GSTM5: variants seen among roughly 807,000 people sequenced by gnomAD.
GSTM5 encodes the protein glutathione S-transferase mu 5, also known as GST class-mu 5.
Under a neutral mutation model 29.0 loss-of-function variants are expected in GSTM5, and 24 were observed. The observed-to-expected ratio is 0.83, with a 90% CI of 0.60 to 1.16. The LOEUF is 1.16. Among genes scored for constraint, GSTM5 ranks in the 50% most tolerant of loss-of-function variants. The probability of loss-of-function intolerance (pLI) is 0.00; values close to 1 mark genes in which losing one functional copy is unlikely to be tolerated. For missense variants in GSTM5, 290 were observed against 263.0 expected, an observed-to-expected ratio of 1.10 and a Z score of -0.71; for synonymous variants, 91 against 93.6, an observed-to-expected ratio of 0.97 and a Z score of 0.16.
chr1:109,713,238 C>T, intron 3 of GSTM5, 55 bp downstream of exon 3: 1 of 1,606,162 alleles, frequency 6.2e-7, no homozygotes, highest in Non-Finnish European at 8.5e-7. Context: ...TCTCTGACTG[C>T]ATCTCCTCTC....
intron 7 of GSTM5, chr1:109,715,459 A>C (rs1242725767): frequency 2.6e-6 from 4 of 1,518,538 alleles, no homozygotes; most frequent in Non-Finnish European, 3.5e-6. Context: ...TTTAGAGATA[A>C]GAAAACTGAG....
At chr1:109,712,728 C>G in intron 2 of GSTM5, 35 bp downstream of exon 2, 1 of 1,611,310 alleles carries the variant, frequency 6.2e-7, no homozygotes, top group Non-Finnish European at 8.5e-7. Flanking sequence ...CCTGCCCACT[C>G]ACGCTGAGTT....
Position 109,712,251 on chromosome 1 carries a change from C to T in GSTM5, c.-62C>T. 6.3e-7 allele frequency: 1 copy of T among 1,579,676 alleles called. No individual in the cohort carries two copies. On this transcript the variant is annotated 5_prime_UTR_variant, in exon 1 of 8. Coordinates refer to ENST00000256593, the MANE Select transcript of GSTM5 (RefSeq NM_000851.4). ...AGGCCCCGCCTGTCCCCTCCTGGGC[C>T]TCTCAAAGTCTGAGCCCCGCTCCGC...
intron 7 of GSTM5, chr1:109,716,894 G>A (rs914465329): frequency 6.5e-6 from 1 of 154,836 alleles, no homozygotes. Context: ...TGGAAGAGGA[G>A]GAGAATTTGG....
At chr1:109,713,873 G>A (rs1157847174) in intron 5 of GSTM5, 112 bp downstream of exon 5, 8 of 527,466 alleles carry the variant, frequency 1.5e-5, no homozygotes, top group South Asian at 3.1e-5. Flanking sequence ...GACTGGAGAC[G>A]TCTATAACCT....
At chr1:109,716,355 T>C (rs1428890498) in intron 7 of GSTM5, 1 of 158,832 alleles carries the variant, frequency 6.3e-6, no homozygotes, top group African/African-American at 2.4e-5. Flanking sequence ...ATGTAAGAGG[T>C]GGTGGGAGGG....
intron 7 of GSTM5, chr1:109,715,817 A>T (rs186956316): frequency 5.2e-5 from 23 of 439,540 alleles, no homozygotes; most frequent in African/African-American, 4.4e-4. Flanking sequence ...GAGCTGGATT[A>T]GGGTACATAT....
At chr1:109,713,229 C>A in intron 3 of GSTM5, 46 bp downstream of exon 3, 1 of 1,608,546 alleles carries the variant, frequency 6.2e-7, no homozygotes, top group Non-Finnish European at 8.5e-7. Context: ...TGCGACGTGT[C>A]TCTGACTGCA....
rs777719481 is a variant in GSTM5 at position 109,713,172 on chromosome 1, G to C, written c.166G>C (p.Asp56His). 6.2e-7 allele frequency: 1 copy of C among 1,612,560 alleles called. No homozygotes were observed. The highest frequency in any genetic ancestry group is 8.5e-7 in the Non-Finnish European group (1 of 1,179,878). ...WLNEKFKLGL[D>H]FPNLPYLIDG... The stretch of plus-strand genomic sequence containing the variant: ...GAATGAAAAATTCAAGCTGGGCCTG[G>C]ACTTTCCCAATGTAGGTGCAGGGGA... Residue 56 changes from aspartate to histidine, a missense_variant, in exon 3 of 8, where the codon GAC becomes CAC. Physicochemically the swap from Asp to His is moderately conservative, Grantham distance 81. Coordinates refer to ENST00000256593, the MANE Select transcript of GSTM5 (RefSeq NM_000851.4).
chr1:109,715,973 T>C, intron 7 of GSTM5: 1 of 903,046 alleles, frequency 1.1e-6, no homozygotes. Flanking sequence ...TTACTCCTAT[T>C]CACCGACCTT....
At chr1:109,717,050 G>A (rs1648768685) in intron 7 of GSTM5, 1 of 266,098 alleles carries the variant, frequency 3.8e-6, no homozygotes, top group South Asian at 5.8e-5. Context: ...GAGGGTAGTC[G>A]AGTGGATTTT....
rs753614655 is a variant in GSTM5 at position 109,717,338 on chromosome 1, G to T, written c.569G>T (p.Gly190Val). The T allele has an allele frequency of 4.0e-4, 650 of 1,613,208 alleles. No individual in the cohort carries two copies. The highest frequency in any genetic ancestry group is 5.3e-4 in the Non-Finnish European group (623 of 1,179,344). ...NLKDFISRFEGLKKISAYMKS... is the reference protein window; with the variant it reads ...NLKDFISRFEVLKKISAYMKS... ...CTGGCCCCTTCTTCCCGCCCTCAGG[G>T]TTTGAAGAAGATCTCTGCCTACATG... is the stretch of plus-strand genomic sequence containing the variant. Residue 190 changes from glycine to valine, a missense_variant and splice_region_variant, in exon 8 of 8, where the codon GGT becomes GTT. By Grantham distance (109) the Gly-to-Val change is moderately radical (BLOSUM62 -3). Transcript: ENST00000256593.
chr1:109,717,110 T>C, intron 7 of GSTM5: 1 of 452,436 alleles, frequency 2.2e-6, no homozygotes, highest in South Asian at 2.4e-5. Context: ...CAGCACAGTG[T>C]AGATCTTTCG....
intron 5 of GSTM5, chr1:109,714,638 C>A (rs1648680589): frequency 4.7e-6 from 2 of 426,184 alleles, no homozygotes; most frequent in Non-Finnish European, 4.3e-6. Flanking sequence ...TGATTCTGCC[C>A]CTGTCTGGAT....
At chr1:109,715,777 G>A (rs1648725092) in intron 7 of GSTM5, 1 of 404,870 alleles carries the variant, frequency 2.5e-6, no homozygotes, top group Middle Eastern at 7.9e-4. Context: ...ACCCCCATGT[G>A]GAAAATCCTG....
rs1244132258 is a variant in GSTM5, at chr1:109,715,092, T to A, written c.457-38T>A. The A allele has an allele frequency of 2.5e-6, 4 of 1,613,988 alleles. No individual in the cohort carries two copies. The African/African-American group carries it at 5.3e-5, about 22-fold the overall frequency. On this transcript the variant is annotated intron_variant, in intron 6 of 7. Transcript: ENST00000256593. ...TGAGATCTGTTTTACTTCATGTGTT[T>A]CGGGGTTTTCAGCCCACACATTCTT...
At position 109,715,037 on chromosome 1, in the gene GSTM5, G is replaced by A. The variant is rs781717042; in HGVS notation, c.451G>A (p.Asp151Asn). 4.0e-5 allele frequency: 64 copies of A among 1,614,274 alleles called. No homozygotes were observed. The highest frequency in any genetic ancestry group is 3.4e-4 in the South Asian group (31 of 91,090). The change falls in exon 6 of 8, where the codon GAC becomes AAC. Residue 151 changes from aspartate (D) to asparagine (N), a missense_variant. Transcript: ENST00000256593. ...GGGGAAGCGGCCATGGTTTGCAGGAGACAAGGTAAAGGAGGAGTGATATGG... is the reference window on the plus strand; with the variant it reads ...GGGGAAGCGGCCATGGTTTGCAGGAAACAAGGTAAAGGAGGAGTGATATGG... ...FLGKRPWFAGDKITFVDFLAY... is the reference protein window; with the variant it reads ...FLGKRPWFAGNKITFVDFLAY...
In GSTM5 at chr1:109,713,543, C is replaced by T. The variant is rs766046580; in HGVS notation, c.237C>T (p.Tyr79=). 7 of 1,614,130 alleles carry T rather than the reference C, an allele frequency of 4.3e-6. No individual in the cohort carries two copies. The highest frequency in any genetic ancestry group is 3.3e-5 in the Admixed American group (2 of 60,008). ...KITQSNAILR[Y]IARKHNLCGE... is the part of the protein sequence containing the mutation. ...CCCAGAGCAATGCCATCCTGCGCTA[C>T]ATTGCCCGCAAGCACAACCTGTGTG... Residue 79 remains tyrosine (Y), a synonymous_variant, in exon 4 of 8, where the codon TAC becomes TAT. Transcript: ENST00000256593.
chr1:109,712,952 A>G (rs562889850), intron 2 of GSTM5, 167 bp from the exon 3 acceptor site: 2 of 941,748 alleles, frequency 2.1e-6, no homozygotes, highest in African/African-American at 1.6e-5. Context: ...TGTGGGGTCC[A>G]GAGCCCTCAG....
Sources: gnomAD v4.1 joint callset for allele counts on GRCh38, gnomAD v4.1.1 for gene constraint, MANE v1.5 for transcripts, NCBI Gene and HGNC (gene_info 2026-07-23, HGNC 2026-07-21) for gene names.